Variants in BCL2 observed in about 807,000 individuals in gnomAD.
BCL2 encodes the protein BCL2 apoptosis regulator.
Under a neutral mutation model 14.2 loss-of-function variants are expected in BCL2, and 1 was observed. The observed-to-expected ratio is 0.07, with a 90% CI of 0.02 to 0.33. The LOEUF (loss-of-function observed/expected upper bound fraction) is 0.33, where lower values mean the gene tolerates loss of function less well. BCL2 is among the 10% of genes least tolerant of loss of function. The pLI is 0.99. For synonymous variants in BCL2, 151 were observed against 137.2 expected (o/e 1.10, Z -0.70); for missense variants, 247 against 305.9 (o/e 0.81, Z 1.44).
At chr18:63,215,399 G>A (rs993475523) in intron 2 of BCL2, among the ~76,000 whole-genome samples, 5 of 152,062 alleles carry the variant, frequency 3.3e-5, no homozygotes, top group Non-Finnish European at 5.9e-5. Context: ...AGTCAATCAA[G>A]GAATAGTACG....
At chr18:63,165,765 A>G (rs547253100) in intron 2 of BCL2, among the ~76,000 whole-genome samples, 42 of 130,396 alleles carry the variant, frequency 3.2e-4, no homozygotes, top group Non-Finnish European at 5.6e-4. Context: ...CTCTGTCCTC[A>G]AGGACCTTAG....
rs1913845178 is a variant in BCL2, at chr18:63,124,017, G to T, written c.*4608C>A. On this transcript the variant is annotated 3_prime_UTR_variant, in exon 3 of 3. Coordinates refer to ENST00000333681, the MANE Select transcript of BCL2 (RefSeq NM_000633.3). ...CAACCTTGTTGTTGATAGGATGTTTGCTTGAAGTTATTTTTCTGGGGCAGT... is the reference window on the plus strand; with the variant it reads ...CAACCTTGTTGTTGATAGGATGTTTTCTTGAAGTTATTTTTCTGGGGCAGT... 2 of 221,416 alleles carry T rather than the reference G, an allele frequency of 9.0e-6. No homozygotes were observed. The highest frequency in any genetic ancestry group is 1.3e-3 in the Middle Eastern group (1 of 744). 13.7% of individuals were successfully genotyped at this position (221,416 alleles called of 1,614,324 possible).
Position 63,128,621 on chromosome 18 carries a change from G to T in BCL2, c.*4C>A. 1.3e-6 allele frequency: 1 copy of T among 780,748 alleles called. No homozygotes were observed. The highest frequency in any genetic ancestry group is 1.3e-5 in the South Asian group (1 of 74,558). The allele number at this position is 780,748 out of a possible 1,614,324, so 48.4% of individuals were successfully genotyped here. A position where few individuals can be genotyped will look rare whatever the true frequency, so the allele number is the denominator to read the frequency against. The stretch of plus-strand genomic sequence containing the variant: ...CATATTTGTTTGGGGCAGGCATGTT[G>T]ACTTCACTTGTGGCCCAGATAGGCA... On this transcript the variant is annotated 3_prime_UTR_variant, in exon 3 of 3. Transcript: ENST00000333681.
At chr18:63,220,833 C>T (rs900706475) in intron 2 of BCL2, among the ~76,000 whole-genome samples, 6 of 149,240 alleles carry the variant, frequency 4.0e-5, no homozygotes, top group Admixed American at 4.0e-4. Flanking sequence ...AAAAAAAAGG[C>T]GTTTTTCTTT....
chr18:63,228,038 G>A (rs1011999276), intron 2 of BCL2, among the ~76,000 whole-genome samples: 3 of 152,178 alleles, frequency 2.0e-5, no homozygotes, highest in Non-Finnish European at 2.9e-5. Flanking sequence ...GCCTACAGAT[G>A]GCCGCCTTCT....
chr18:63,238,480 G>C (rs907146133), intron 2 of BCL2, among the ~76,000 whole-genome samples: 1 of 152,244 alleles, frequency 6.6e-6, no homozygotes, highest in African/African-American at 2.4e-5. Flanking sequence ...TAGGCATGGG[G>C]CCCATAACAA....
At chr18:63,220,060 T>G (rs1418734826) in intron 2 of BCL2, among the ~76,000 whole-genome samples, 1 of 152,234 alleles carries the variant, frequency 6.6e-6, no homozygotes, top group Non-Finnish European at 1.5e-5. Context: ...CAATCTAGTT[T>G]AACTTCAGTT....
intron 2 of BCL2, among the ~76,000 whole-genome samples, chr18:63,280,154 A>G (rs1568256305): frequency 6.6e-6 from 1 of 152,250 alleles, no homozygotes; most frequent in Non-Finnish European, 1.5e-5. Flanking sequence ...TCATAAATCA[A>G]AAAGATAGAA....
chr18:63,208,580 G>T (rs1909910048), intron 2 of BCL2, among the ~76,000 whole-genome samples: 1 of 152,094 alleles, frequency 6.6e-6, no homozygotes, highest in African/African-American at 2.4e-5. Flanking sequence ...CGTGTTGGGG[G>T]ATGGTGTATC....
chr18:63,188,637 C>A (rs1470438017), intron 2 of BCL2, among the ~76,000 whole-genome samples: 2 of 152,062 alleles, frequency 1.3e-5, no homozygotes, highest in African/African-American at 4.8e-5. Flanking sequence ...TAATTATACT[C>A]ATTTTACCAT....
At position 63,125,441 on chromosome 18, in the gene BCL2, C is replaced by G. The variant is rs965963147; in HGVS notation, c.*3184G>C. On this transcript the variant is annotated 3_prime_UTR_variant, in exon 3 of 3. Transcript: ENST00000333681. ...TTGTGCAGCGAGGGACTGGGAGGGC[C>G]GAGGAGGTTCTCAGATGTTCTTCTC... 1 of 221,320 alleles carries G rather than the reference C, an allele frequency of 4.5e-6. No homozygotes were observed. The highest frequency in any genetic ancestry group is 9.0e-6 in the Non-Finnish European group (1 of 110,552). The allele number at this position is 221,320 out of a possible 1,614,324, so 13.7% of individuals were successfully genotyped here. A position where few individuals can be genotyped will look rare whatever the true frequency, so the allele number is the denominator to read the frequency against.
Position 63,192,150 on chromosome 18 carries a change from TA to T in BCL2, c.586-63392del, listed in dbSNP as rs757973831. Reference sequence around the variant, plus strand: ...TATTCAGAGAATTAAAGTAGGGTGATAGGAGAGGGAATGATTGGGTGTTCCA... The same window carrying T: ...TATTCAGAGAATTAAAGTAGGGTGATGGAGAGGGAATGATTGGGTGTTCCA... On this transcript the variant is annotated intron_variant, in intron 2 of 2. Transcript: ENST00000333681. 1.4e-4 allele frequency among the ~76,000 whole-genome samples: 21 copies of T among 152,258 alleles called. 2 individuals are homozygous for T. In the South Asian group the frequency reaches 3.3e-3, roughly 24 times the overall value.
intron 2 of BCL2, among the ~76,000 whole-genome samples, chr18:63,305,904 G>A (rs901382452): frequency 2.6e-5 from 4 of 151,848 alleles, no homozygotes; most frequent in Admixed American, 6.6e-5. Context: ...AGATCCTGTC[G>A]CAAAAAAAGA....
chr18:63,262,648 C>T (rs1449492794), intron 2 of BCL2, among the ~76,000 whole-genome samples: 14 of 152,166 alleles, frequency 9.2e-5, no homozygotes, highest in Admixed American at 8.5e-4. Context: ...CCCACTATGA[C>T]ACAGGCCACT....
intron 2 of BCL2, among the ~76,000 whole-genome samples, chr18:63,254,829 C>G (rs1034980039): frequency 5.9e-5 from 9 of 152,138 alleles, no homozygotes; most frequent in African/African-American, 2.2e-4. Context: ...CAGAAGGCAC[C>G]ATACTGGAAG....
rs535933652 is a variant in BCL2, at chr18:63,237,069, A to C, written c.585+81013T>G. ...TTCTCTTGCCTCTGGGAAATACATA[A>C]AATGCCTAGCAACAGTTCCTGGTGG... On this transcript the variant is annotated intron_variant, in intron 2 of 2. Transcript: ENST00000333681. Among the ~76,000 whole-genome samples, 20 of 152,312 alleles carry C rather than the reference A, an allele frequency of 1.3e-4. No individual in the cohort carries two copies. The East Asian group carries it at 3.7e-3, about 28-fold the overall frequency.
Position 63,212,127 on chromosome 18 carries a change from A to T in BCL2, c.586-83368T>A, listed in dbSNP as rs150407080. Among the ~76,000 whole-genome samples, 1,247 of 151,982 alleles carry T rather than the reference A, an allele frequency of 8.2e-3. 17 individuals are homozygous for T. Among genetic ancestry groups the T allele is most frequent in the African/African-American group, 0.028 (1,158 of 41,478 alleles). On this transcript the variant is annotated intron_variant, in intron 2 of 2. Coordinates refer to ENST00000333681, the MANE Select transcript of BCL2 (RefSeq NM_000633.3). ...TGGATCACAAGGTCAGGAGTTCGAG[A>T]CCATCCTGGCCAACATGGTGAAACC...
chr18:63,153,969 G>T (rs1398095433), intron 2 of BCL2, among the ~76,000 whole-genome samples: 1 of 152,160 alleles, frequency 6.6e-6, no homozygotes, highest in African/African-American at 2.4e-5. Context: ...ACCCTATTGT[G>T]AAGCCTTTAG....
rs569941239 is a variant in BCL2 at position 63,148,909 on chromosome 18, C to A, written c.586-20150G>T. Among the ~76,000 whole-genome samples the A allele has an allele frequency of 9.2e-4, 140 of 152,158 alleles. 1 individual carries two copies. Among genetic ancestry groups the A allele is most frequent in the Non-Finnish European group, 1.4e-3 (92 of 67,996 alleles). On this transcript the variant is annotated intron_variant, in intron 2 of 2. Transcript: ENST00000333681. ...GAATACGTAACTTTTCCAAGGACAC[C>A]TAGTTAATCAATTATGAAACCAGAA...
Sources: allele counts gnomAD v4.1 joint callset (sites outside exome capture counted in the v4.1 genomes callset), GRCh38; gene constraint gnomAD v4.1.1; transcripts MANE v1.5; gene names NCBI Gene and HGNC (gene_info 2026-07-23, HGNC 2026-07-21).